The following PIK3C2A variants were observed in gnomAD, a reference collection of about 807,000 sequenced individuals.
PIK3C2A encodes phosphatidylinositol 4-phosphate 3-kinase C2 domain-containing subunit alpha.
Under a neutral mutation model 204.5 loss-of-function variants are expected in PIK3C2A, and 97 were observed. That is an observed-to-expected ratio of 0.47 (90% CI 0.40 to 0.56). The LOEUF is 0.56. Among genes scored for constraint, PIK3C2A ranks in the 20% least tolerant of loss-of-function variants. The pLI is 0.00. For missense variants in PIK3C2A, 1,735 were observed against 1,969.2 expected (o/e 0.88, Z 2.25); for synonymous variants, 653 against 664.4 (o/e 0.98, Z 0.26).
chr11:17,181,687 CACACACAA>C (rs1423411882), intron 1 of PIK3C2A, among the ~76,000 whole-genome samples: 11 of 116,646 alleles, frequency 9.4e-5, no homozygotes, highest in African/African-American at 1.5e-4. Context: ...CACACACACA[CACACACAA>C]ACACACACAC....
chr11:17,207,392 AAAG>A (rs1852619320), intron 1 of PIK3C2A, among the ~76,000 whole-genome samples: 2 of 152,188 alleles, frequency 1.3e-5, no homozygotes, highest in African/African-American at 4.8e-5. Flanking sequence ...ACAGGAGGTG[AAAG>A]AAGGGGCCGT....
intron 1 of PIK3C2A, among the ~76,000 whole-genome samples, 165 bp downstream of exon 1, chr11:17,207,683 G>A (rs1410635294): frequency 2.0e-5 from 3 of 152,100 alleles, no homozygotes; most frequent in Non-Finnish European, 4.4e-5. Context: ...GGGGGAGTCG[G>A]GCTGGGCAAC....
At chr11:17,128,882 A>C (rs2137370422) in intron 13 of PIK3C2A, among the ~76,000 whole-genome samples, 1 of 152,332 alleles carries the variant, frequency 6.6e-6, no homozygotes, top group Non-Finnish European at 1.5e-5. Flanking sequence ...AAGAGAATTA[A>C]GGAAGGGAAT....
intron 6 of PIK3C2A, among the ~76,000 whole-genome samples, chr11:17,146,532 C>A (rs1850249585): frequency 6.6e-6 from 1 of 151,348 alleles, no homozygotes; most frequent in African/African-American, 2.4e-5. Context: ...GGCCAACACA[C>A]CAAAAACCCG....
At chr11:17,183,746 G>A (rs1218467957) in intron 1 of PIK3C2A, among the ~76,000 whole-genome samples, 1 of 151,850 alleles carries the variant, frequency 6.6e-6, no homozygotes, top group Non-Finnish European at 1.5e-5. Context: ...ACACAGTATA[G>A]TCATGTACCA....
intron 1 of PIK3C2A, among the ~76,000 whole-genome samples, chr11:17,202,315 G>A (rs1294517281): frequency 2.6e-5 from 4 of 151,192 alleles, no homozygotes; most frequent in African/African-American, 9.7e-5. Context: ...GGGTGGACGT[G>A]GTGGCTTATG....
chr11:17,101,236 C>T (rs769011637), intron 25 of PIK3C2A, 42 bp downstream of exon 25: 4 of 1,074,650 alleles, frequency 3.7e-6, no homozygotes, highest in Middle Eastern at 2.2e-4. Context: ...AACATAGATG[C>T]ATTAATATAA....
rs113665484 is a variant in PIK3C2A at position 17,101,664 on chromosome 11, C to T, written c.3852-230G>A. On this transcript the variant is annotated intron_variant, in intron 24 of 32. Transcript: ENST00000691414. ...TGTCGCCCAGGCTGGAGTGCAGTGGCGCGATCTAGGCTCACTGCAAGCTCC... is the reference window on the plus strand; with the variant it reads ...TGTCGCCCAGGCTGGAGTGCAGTGGTGCGATCTAGGCTCACTGCAAGCTCC... Among the ~76,000 whole-genome samples the T allele has an allele frequency of 2.6e-3, 380 of 147,864 alleles. 2 individuals carry two copies. The highest frequency in any genetic ancestry group is 7.4e-3 in the African/African-American group (294 of 39,886).
At chr11:17,163,334 A>G (rs1454065363) in intron 2 of PIK3C2A, among the ~76,000 whole-genome samples, 1 of 152,172 alleles carries the variant, frequency 6.6e-6, no homozygotes, top group African/African-American at 2.4e-5. Context: ...ACAAACAAAC[A>G]AATAGGACTT....
intron 17 of PIK3C2A, among the ~76,000 whole-genome samples, 198 bp downstream of exon 17, chr11:17,119,022 G>C (rs1251278563): frequency 6.6e-6 from 1 of 152,180 alleles, no homozygotes; most frequent in Admixed American, 6.5e-5. Context: ...TAAAAATACA[G>C]GTGCCTATAT....
chr11:17,094,740 T>C (rs1482177760), intron 27 of PIK3C2A, among the ~76,000 whole-genome samples: 2 of 151,964 alleles, frequency 1.3e-5, no homozygotes, highest in African/African-American at 4.8e-5. Flanking sequence ...TTCTTTCCTA[T>C]ATTGATCTTA....
chr11:17,112,451 TAAAAATAAATAAATA>T (rs1462708344), intron 21 of PIK3C2A, 108 bp downstream of exon 21: 1 of 432,638 alleles, frequency 2.3e-6, no homozygotes, highest in East Asian at 4.6e-5. Flanking sequence ...AGACCCTGTG[TAAAAATAAATAAATA>T]AATAATAAAA....
At chr11:17,150,383 G>T in intron 4 of PIK3C2A, 115 bp downstream of exon 4, 1 of 849,618 alleles carries the variant, frequency 1.2e-6, no homozygotes, top group Non-Finnish European at 1.7e-6. Context: ...CTATCCATAT[G>T]AATGCCAAAA....
chr11:17,154,346 T>C (rs1326271973), intron 3 of PIK3C2A, among the ~76,000 whole-genome samples: 1 of 152,196 alleles, frequency 6.6e-6, no homozygotes. Context: ...AAAGAAATGC[T>C]GGTTAAAAGG....
At chr11:17,180,521 C>A (rs77413369) in intron 1 of PIK3C2A, among the ~76,000 whole-genome samples, 34,999 of 131,630 alleles carry the variant, frequency 0.27, 4,425 homozygotes, top group Admixed American at 0.35. Context: ...ACAACAACAA[C>A]AAAAAACAAA....
intron 20 of PIK3C2A, among the ~76,000 whole-genome samples, chr11:17,113,764 A>G (rs1849076446): frequency 1.4e-5 from 2 of 145,494 alleles, no homozygotes; most frequent in Admixed American, 1.4e-4. Flanking sequence ...CCTGAGTGAC[A>G]GAGCAAGACT....
intron 1 of PIK3C2A, among the ~76,000 whole-genome samples, chr11:17,205,994 G>A (rs553783281): frequency 1.3e-4 from 20 of 152,178 alleles, no homozygotes; most frequent in African/African-American, 4.3e-4. Flanking sequence ...GTGGTGGCGC[G>A]TGCCTGTAAT....
At chr11:17,145,376 T>C (rs1235022797) in intron 8 of PIK3C2A, among the ~76,000 whole-genome samples, 2 of 152,012 alleles carry the variant, frequency 1.3e-5, no homozygotes, top group African/African-American at 4.8e-5. Context: ...CTCATGATAG[T>C]GAGTGAGTTT....
intron 1 of PIK3C2A, among the ~76,000 whole-genome samples, chr11:17,181,517 A>G (rs1197513789): frequency 6.6e-6 from 1 of 151,240 alleles, no homozygotes; most frequent in African/African-American, 2.4e-5. Flanking sequence ...CCGTAGTCCC[A>G]GCTACTTGGG....
Sources: allele counts gnomAD v4.1 joint callset (sites outside exome capture counted in the v4.1 genomes callset), GRCh38; gene constraint gnomAD v4.1.1; transcripts MANE v1.5; gene names NCBI Gene and HGNC (gene_info 2026-07-23, HGNC 2026-07-21).